Variants in ATP9B observed in about 807,000 individuals in gnomAD.
ATP9B encodes probable phospholipid-transporting ATPase IIB.
Under a neutral mutation model 146.1 loss-of-function variants are expected in ATP9B, and 110 were observed. The observed-to-expected ratio is 0.75, with a 90% confidence interval of 0.65 to 0.88. ATP9B has a LOEUF of 0.88. Ranked by LOEUF, ATP9B falls within the 40% of genes least tolerant of loss-of-function variation. The pLI is 0.00. For synonymous variants in ATP9B, 604 were observed against 569.7 expected, an observed-to-expected ratio of 1.06 and a Z score of -0.86; for missense variants, 1,499 against 1,496.4, an observed-to-expected ratio of 1.00 and a Z score of -0.03.
intron 1 of ATP9B, among the ~76,000 whole-genome samples, chr18:79,075,099 C>T (rs889002112): frequency 3.4e-5 from 5 of 146,778 alleles, no homozygotes; most frequent in African/African-American, 7.7e-5. Context: ...TTTTTTGAGA[C>T]GGAGTCTCAC....
At chr18:79,153,247 A>G (rs1273258746) in intron 6 of ATP9B, among the ~76,000 whole-genome samples, 1 of 152,214 alleles carries the variant, frequency 6.6e-6, no homozygotes, top group East Asian at 1.9e-4. Flanking sequence ...ACGTATTCTT[A>G]ATACAATTAT....
Position 79,206,975 on chromosome 18 carries a change from A to T in ATP9B, c.993A>T (p.Ile331=), listed in dbSNP as rs1217368739. The part of the protein sequence containing the change: ...SDPPIHESLS[I]ENTLWASTIV... ...CGCCCATTCATGAAAGTCTCAGCAT[A>T]GAAAATACATTGTGGGCAAGCACCA... Residue 331 remains isoleucine, a synonymous_variant, in exon 10 of 30, where the codon ATA becomes ATT. Coordinates refer to ENST00000426216, the MANE Select transcript of ATP9B (RefSeq NM_198531.5). The T allele has an allele frequency of 6.2e-7, 1 of 1,614,150 alleles. No homozygotes were observed. Among genetic ancestry groups the T allele is most frequent in the Non-Finnish European group, 8.5e-7 (1 of 1,179,986 alleles).
chr18:79,071,045 G>GTTTCTTT (rs2071684933), intron 1 of ATP9B, among the ~76,000 whole-genome samples: 2 of 76,652 alleles, frequency 2.6e-5, no homozygotes, highest in Admixed American at 1.1e-4. Flanking sequence ...TCTGATTCCT[G>GTTTCTTT]TTTCTTTTTT....
intron 8 of ATP9B, among the ~76,000 whole-genome samples, chr18:79,182,026 A>C (rs1288155125): frequency 6.6e-6 from 1 of 152,232 alleles, no homozygotes; most frequent in Non-Finnish European, 1.5e-5. Flanking sequence ...CTATCTTTAA[A>C]GCATCTCGAT....
intron 1 of ATP9B, chr18:79,086,583 G>C (rs753650282): frequency 5.9e-5 from 9 of 151,420 alleles, no homozygotes; most frequent in Non-Finnish European, 1.2e-4. Flanking sequence ...CACAATTTTA[G>C]GTAACTGAAG....
chr18:79,191,065 G>A lies in ATP9B; in HGVS notation c.874-2118G>A, dbSNP rs943853626. Among the ~76,000 whole-genome samples, 3 of 151,956 alleles carry A rather than the reference G, an allele frequency of 2.0e-5. No homozygotes were observed. The East Asian group carries it at 5.8e-4, about 29-fold the overall frequency. ...ATTTGACAGTGTCTTTATTTCACCT[G>A]TATTCTTAAAGAATATTTTTGCTGG... On this transcript the variant is annotated intron_variant, in intron 8 of 29. Transcript: ENST00000426216.
At chr18:79,208,334 G>C (rs1057315008) in intron 10 of ATP9B, among the ~76,000 whole-genome samples, 1 of 152,216 alleles carries the variant, frequency 6.6e-6, no homozygotes, top group South Asian at 2.1e-4. Context: ...AGAATATGCA[G>C]ATGTGGCAGG....
At chr18:79,152,848 C>T (rs1468440689) in intron 6 of ATP9B, among the ~76,000 whole-genome samples, 1 of 152,094 alleles carries the variant, frequency 6.6e-6, no homozygotes, top group African/African-American at 2.4e-5. Flanking sequence ...CATAGTGTCC[C>T]TATATATGTG....
chr18:79,108,166 G>A (rs376867141), intron 2 of ATP9B, among the ~76,000 whole-genome samples: 46 of 152,300 alleles, frequency 3.0e-4, no homozygotes, highest in Admixed American at 2.6e-3. Flanking sequence ...CAGAGCAGTC[G>A]CAGTCTGCAT....
At position 79,073,573 on chromosome 18, in the gene ATP9B, C is replaced by T. The variant is rs143005636; in HGVS notation, c.119+4044C>T. On this transcript the variant is annotated intron_variant, in intron 1 of 29. Transcript: ENST00000426216. ...GGGAGGTTGCAGTGAGCCAAGATTG[C>T]GGCAGTACAGTCCAGCCTCGGCAAC... Among the ~76,000 whole-genome samples the T allele has an allele frequency of 9.9e-5, 15 of 152,246 alleles. No homozygotes were observed. The East Asian group carries it at 2.7e-3, about 27-fold the overall frequency.
rs1439944708 is a variant in ATP9B at position 79,317,262 on chromosome 18, G to A, written c.1773+10028G>A. Among the ~76,000 whole-genome samples, 3 of 151,952 alleles carry A rather than the reference G, an allele frequency of 2.0e-5. No individual in the cohort carries two copies. The East Asian group carries it at 5.8e-4, about 29-fold the overall frequency. Reference sequence around the variant, plus strand: ...GAAGTTCTGAAAAAAATGATAAATTGAATATCAGAGTAAAACTTATTTTTT... The same window carrying A: ...GAAGTTCTGAAAAAAATGATAAATTAAATATCAGAGTAAAACTTATTTTTT... On this transcript the variant is annotated intron_variant, in intron 15 of 29. Coordinates refer to ENST00000426216, the MANE Select transcript of ATP9B (RefSeq NM_198531.5).
chr18:79,214,787 T>C (rs576428785), intron 11 of ATP9B, among the ~76,000 whole-genome samples: 1 of 152,322 alleles, frequency 6.6e-6, no homozygotes, highest in Non-Finnish European at 1.5e-5. Flanking sequence ...GGGTAATTAA[T>C]AGTGAAGGTT....
chr18:79,119,441 T>G (rs2094151118), intron 4 of ATP9B, among the ~76,000 whole-genome samples: 1 of 152,246 alleles, frequency 6.6e-6, no homozygotes, highest in Non-Finnish European at 1.5e-5. Context: ...AGCTTGAATT[T>G]TCATCCTCTG....
At chr18:79,344,380 A>G in intron 21 of ATP9B, 26 bp downstream of exon 21, 1 of 1,599,472 alleles carries the variant, frequency 6.3e-7, no homozygotes. Context: ...GAGTGAGTAC[A>G]TGTCTGTCTG....
chr18:79,309,880 G>A lies in ATP9B; in HGVS notation c.1773+2646G>A, dbSNP rs543996381. On this transcript the variant is annotated intron_variant, in intron 15 of 29. Coordinates refer to ENST00000426216, the MANE Select transcript of ATP9B (RefSeq NM_198531.5). ...AGTGAGTGTAGGTTCCATGACTATT[G>A]AATGAGTAGAAAATTAAGATTCTTC... Among the ~76,000 whole-genome samples, 25 of 152,262 alleles carry A rather than the reference G, an allele frequency of 1.6e-4. 1 individual carries two copies. The South Asian group carries it at 4.6e-3, about 28-fold the overall frequency.
In ATP9B at chr18:79,303,637, G is replaced by T; in HGVS notation, c.1445G>T (p.Arg482Leu). The T allele has an allele frequency of 6.2e-7, 1 of 1,613,916 alleles. No individual in the cohort carries two copies. Among genetic ancestry groups the T allele is most frequent in the South Asian group, 1.1e-5 (1 of 91,060 alleles). Residue 482 changes from arginine (R) to leucine (L), a missense_variant, in exon 14 of 30, where the codon CGG becomes CTG. Arg to Leu is a moderately radical substitution (Grantham distance 102). Transcript: ENST00000426216. ...TLTQNEMIFK[R>L]LHLGTVSYGA... ...ACCCAGAATGAAATGATATTTAAGC[G>T]GCTGCACCTGGGCACCGTGTCCTAT...
intron 12 of ATP9B, 144 bp downstream of exon 12, chr18:79,253,685 C>T (rs920826959): frequency 3.4e-6 from 3 of 885,968 alleles, no homozygotes; most frequent in Non-Finnish European, 1.6e-6. Context: ...TTGAGGAATT[C>T]TTCTGTGGAA....
intron 13 of ATP9B, among the ~76,000 whole-genome samples, chr18:79,302,377 T>A (rs1004162601): frequency 6.7e-6 from 1 of 148,856 alleles, no homozygotes; most frequent in African/African-American, 2.5e-5. Flanking sequence ...TGGCACCACG[T>A]TGTGAAATAA....
rs150699343 is a variant in ATP9B, at chr18:79,146,702, G to A, written c.726+2842G>A. Reference sequence around the variant, plus strand: ...TCTCATCTGTCTCATCCCTGACCACGTGAGTACGCAGGACACCTGTGTCTG... The same window carrying A: ...TCTCATCTGTCTCATCCCTGACCACATGAGTACGCAGGACACCTGTGTCTG... On this transcript the variant is annotated intron_variant, in intron 6 of 29. Coordinates refer to ENST00000426216, the MANE Select transcript of ATP9B (RefSeq NM_198531.5). 1.1e-3 allele frequency: 217 copies of A among 206,150 alleles called. 3 individuals carry two copies. Among genetic ancestry groups the A allele is most frequent in the African/African-American group, 4.8e-3 (203 of 42,532 alleles). 12.8% of individuals were successfully genotyped at this position (206,150 alleles called of 1,614,324 possible). A position where few individuals can be genotyped will look rare whatever the true frequency, so the allele number is the denominator to read the frequency against.
Sources: gnomAD v4.1 joint callset for allele counts (sites outside exome capture counted in the v4.1 genomes callset) on GRCh38, gnomAD v4.1.1 for gene constraint, MANE v1.5 for transcripts, NCBI Gene and HGNC (gene_info 2026-07-23, HGNC 2026-07-21) for gene names.